TMOD3: variants seen among roughly 807,000 people sequenced by gnomAD.
The protein encoded by TMOD3 is tropomodulin-3.
In TMOD3, 20 loss-of-function variants were observed where a neutral mutation model predicts 39.2. The ratio of observed to expected loss-of-function variants is 0.51; its 90% CI spans 0.36 to 0.74. The LOEUF (loss-of-function observed/expected upper bound fraction) is 0.74. Ranked by LOEUF, TMOD3 falls within the 30% of genes least tolerant of loss-of-function variation. The pLI is 0.00. For synonymous variants in TMOD3, 143 were observed against 145.8 expected, an observed-to-expected ratio of 0.98 and a Z score of 0.14; for missense variants, 381 against 412.8, an observed-to-expected ratio of 0.92 and a Z score of 0.67.
At chr15:51,885,300 T>G (rs868636143) in intron 3 of TMOD3, among the ~76,000 whole-genome samples, 5 of 150,548 alleles carry the variant, frequency 3.3e-5, no homozygotes, top group East Asian at 3.9e-4. Flanking sequence ...TTTTTTTTTT[T>G]TTAGTATTTA....
intron 2 of TMOD3, among the ~76,000 whole-genome samples, chr15:51,863,889 A>G (rs2056431722): frequency 1.3e-5 from 2 of 152,232 alleles, no homozygotes; most frequent in Non-Finnish European, 2.9e-5. Flanking sequence ...GGGATTACTC[A>G]GGATAATGAT....
At chr15:51,869,440 G>T in intron 3 of TMOD3, 67 bp downstream of exon 3, 1 of 1,477,036 alleles carries the variant, frequency 6.8e-7, no homozygotes, top group Non-Finnish European at 9.3e-7. Flanking sequence ...GGTGGGTGTG[G>T]AGAAAATCAT....
intron 1 of TMOD3, among the ~76,000 whole-genome samples, chr15:51,843,742 G>A (rs758730858): frequency 5.2e-4 from 79 of 152,264 alleles, no homozygotes; most frequent in Non-Finnish European, 8.5e-4. Flanking sequence ...TAGGGAAAAG[G>A]TTTTGAGAAA....
At chr15:51,857,284 A>G (rs1007322589) in intron 1 of TMOD3, among the ~76,000 whole-genome samples, 23 of 152,352 alleles carry the variant, frequency 1.5e-4, no homozygotes, top group African/African-American at 5.5e-4. Flanking sequence ...GGAAGAGGAG[A>G]TGCAACTAGA....
chr15:51,863,111 C>T (rs1595896752), intron 2 of TMOD3, 101 bp downstream of exon 2: 2 of 1,242,670 alleles, frequency 1.6e-6, no homozygotes, highest in East Asian at 2.5e-5. Flanking sequence ...TGGCACCTTC[C>T]ACCCTTTCCT....
At chr15:51,857,145 G>A (rs2056391817) in intron 1 of TMOD3, among the ~76,000 whole-genome samples, 1 of 152,180 alleles carries the variant, frequency 6.6e-6, no homozygotes, top group Non-Finnish European at 1.5e-5. Flanking sequence ...TGCATACTCT[G>A]CGAGTCTGTT....
chr15:51,862,896 A>T lies in TMOD3; in HGVS notation c.12A>T (p.Pro4=). Residue 4 remains proline, a synonymous_variant, in exon 2 of 10, where the codon CCA becomes CCT. Transcript: ENST00000308580. MAL[P]FRKDLEKYKD... ...CTGCCCTGCACATCATGGCACTGCC[A>T]TTCCGTAAGGACTTAGAAAAGTACA... is the stretch of plus-strand genomic sequence containing the variant. 6.2e-7 allele frequency: 1 copy of T among 1,613,686 alleles called. No individual in the cohort carries two copies. The highest frequency in any genetic ancestry group is 8.5e-7 in the Non-Finnish European group (1 of 1,179,842).
intron 1 of TMOD3, among the ~76,000 whole-genome samples, chr15:51,830,717 A>G (rs2014638): frequency 0.46 from 70,259 of 151,988 alleles, 16,516 homozygotes; most frequent in Admixed American, 0.53. Flanking sequence ...CATGCAGCTC[A>G]TGTCTCCTCT....
intron 1 of TMOD3, among the ~76,000 whole-genome samples, chr15:51,858,514 A>G (rs558696483): frequency 6.6e-6 from 1 of 151,650 alleles, no homozygotes; most frequent in Non-Finnish European, 1.5e-5. Context: ...TTGGGCAGTT[A>G]CACAAGTTGC....
chr15:51,845,205 C>T (rs901021961), intron 1 of TMOD3, among the ~76,000 whole-genome samples: 1 of 152,104 alleles, frequency 6.6e-6, no homozygotes, highest in Non-Finnish European at 1.5e-5. Context: ...TCAACCTTTG[C>T]CAAGTCTCAT....
At chr15:51,883,371 A>T (rs1044221929) in intron 3 of TMOD3, among the ~76,000 whole-genome samples, 1 of 152,234 alleles carries the variant, frequency 6.6e-6, no homozygotes, top group African/African-American at 2.4e-5. Flanking sequence ...TATAAAAAAA[A>T]TAAGCATCTT....
chr15:51,867,614 C>T (rs1245875257), intron 2 of TMOD3, among the ~76,000 whole-genome samples: 1 of 152,092 alleles, frequency 6.6e-6, no homozygotes, highest in Non-Finnish European at 1.5e-5. Context: ...TACTATTGCC[C>T]ATATAAGATT....
chr15:51,860,522 G>A (rs1386371853), intron 1 of TMOD3: 4 of 575,570 alleles, frequency 6.9e-6, no homozygotes, highest in African/African-American at 1.9e-5. Context: ...CTGAAGACAA[G>A]CAGTCTTCCA....
intron 1 of TMOD3, among the ~76,000 whole-genome samples, chr15:51,846,377 T>C (rs1486611672): frequency 1.3e-5 from 2 of 152,104 alleles, no homozygotes; most frequent in Non-Finnish European, 2.9e-5. Flanking sequence ...CCAGGAAATT[T>C]GGAAGGATTG....
At chr15:51,907,312 T>G (rs960916843) in intron 9 of TMOD3, 3 of 152,082 alleles carry the variant, frequency 2.0e-5, no homozygotes, top group African/African-American at 7.2e-5. Context: ...TTTTATTGAG[T>G]TCTGGCAAAA....
intron 1 of TMOD3, among the ~76,000 whole-genome samples, chr15:51,845,737 ACT>A (rs1214571802): frequency 6.6e-6 from 1 of 151,884 alleles, no homozygotes; most frequent in African/African-American, 2.4e-5. Context: ...ATAGTGGGAG[ACT>A]CTGTCTCAAA....
chr15:51,863,107 C>T, intron 2 of TMOD3, 97 bp downstream of exon 2: 5 of 1,270,992 alleles, frequency 3.9e-6, no homozygotes, highest in African/African-American at 1.5e-5. Context: ...TCTCTGGCAC[C>T]TTCCACCCTT....
At chr15:51,832,225 A>ATATATATATATATATATATATATATG (rs2056259921) in intron 1 of TMOD3, among the ~76,000 whole-genome samples, 5 of 133,914 alleles carry the variant, frequency 3.7e-5, no homozygotes, top group Non-Finnish European at 4.8e-5. Flanking sequence ...ATATATATAT[A>ATATATATATATATATATATATATATG]TATATATGAA....
chr15:51,838,961 G>T (rs76215500), intron 1 of TMOD3, among the ~76,000 whole-genome samples: 4,738 of 152,224 alleles, frequency 0.031, 118 homozygotes, highest in Non-Finnish European at 0.05. Flanking sequence ...AGCTGTGAAA[G>T]ATGTGGCTTT....
Sources: allele counts gnomAD v4.1 joint callset (sites outside exome capture counted in the v4.1 genomes callset), GRCh38; gene constraint gnomAD v4.1.1; transcripts MANE v1.5; gene names NCBI Gene and HGNC (gene_info 2026-07-23, HGNC 2026-07-21).